The following FTCDNL1 variants were observed in gnomAD, a reference collection of about 807,000 sequenced individuals.
The protein encoded by FTCDNL1 is formiminotransferase N-terminal subdomain-containing protein.
Under a neutral mutation model 5.9 loss-of-function variants are expected in FTCDNL1, and 11 were observed. The observed-to-expected ratio is 1.87, with a 90% CI of 1.18 to 3.10. The LOEUF (loss-of-function observed/expected upper bound fraction) is 3.10. FTCDNL1 is among the 30% of genes most tolerant of loss of function. FTCDNL1 has a pLI of 0.00. For synonymous variants in FTCDNL1, 58 were observed against 24.8 expected (o/e 2.34, Z -3.99); for missense variants, 115 against 65.5 (o/e 1.76, Z -2.61).
the FTCDNL1 span, among the ~76,000 whole-genome samples, chr2:199,701,653 A>G: frequency 6.6e-6 from 1 of 152,150 alleles, no homozygotes; most frequent in Non-Finnish European, 1.5e-5. Context: ...CACATCCTTC[A>G]CAGCAACATG....
At chr2:199,837,491 T>C (rs565401850) in intron 3 of FTCDNL1, among the ~76,000 whole-genome samples, 12 of 152,330 alleles carry the variant, frequency 7.9e-5, no homozygotes, top group South Asian at 2.1e-4. Context: ...ACAATCTCCA[T>C]AGCAACTGGA....
At chr2:199,676,421 T>C in the FTCDNL1 span, among the ~76,000 whole-genome samples, 1 of 152,086 alleles carries the variant, frequency 6.6e-6, no homozygotes. Flanking sequence ...ATATATATTA[T>C]ATATAATCAA....
chr2:199,844,607 G>T, intron 3 of FTCDNL1: 3 of 431,392 alleles, frequency 7.0e-6, no homozygotes, highest in Non-Finnish European at 1.2e-5. Flanking sequence ...GATTTTGTTG[G>T]TCCCCTAGTT....
At chr2:199,820,108 T>C (rs1701592096) in intron 3 of FTCDNL1, among the ~76,000 whole-genome samples, 1 of 152,242 alleles carries the variant, frequency 6.6e-6, no homozygotes. Flanking sequence ...ATGAAATTGG[T>C]GCCTTCAATT....
chr2:199,715,089 A>G, the FTCDNL1 span, among the ~76,000 whole-genome samples: 9,828 of 152,102 alleles, frequency 0.065, 763 homozygotes, highest in African/African-American at 0.18. Flanking sequence ...AACTTAAAGT[A>G]TAATAAAAAA....
At chr2:199,841,318 C>T (rs748004633) in intron 3 of FTCDNL1, among the ~76,000 whole-genome samples, 4 of 151,140 alleles carry the variant, frequency 2.6e-5, no homozygotes, top group South Asian at 2.1e-4. Context: ...ACACAGGAGG[C>T]GGGGTTTGCA....
chr2:199,738,308 T>C, the FTCDNL1 span, among the ~76,000 whole-genome samples: 1 of 152,216 alleles, frequency 6.6e-6, no homozygotes, highest in Non-Finnish European at 1.5e-5. Context: ...GTTTGATTTT[T>C]ACTGTGTGAT....
intron 3 of FTCDNL1, among the ~76,000 whole-genome samples, chr2:199,837,613 G>A (rs962691067): frequency 5.3e-5 from 8 of 152,108 alleles, no homozygotes; most frequent in Non-Finnish European, 7.4e-5. Context: ...TACCATGGGA[G>A]TGTTGACGCT....
chr2:199,717,383 T>A, the FTCDNL1 span, among the ~76,000 whole-genome samples: 1 of 152,144 alleles, frequency 6.6e-6, no homozygotes, highest in African/African-American at 2.4e-5. Flanking sequence ...ATCCTTATTC[T>A]GTACCTTTGC....
intron 3 of FTCDNL1, among the ~76,000 whole-genome samples, chr2:199,827,660 A>G (rs1702117980): frequency 6.6e-6 from 1 of 151,998 alleles, no homozygotes; most frequent in Admixed American, 6.5e-5. Flanking sequence ...GAAAAATAAC[A>G]GAAAGAAAAG....
At chr2:199,764,449 C>T (rs1380536960) in intron 3 of FTCDNL1, among the ~76,000 whole-genome samples, 5 of 152,188 alleles carry the variant, frequency 3.3e-5, no homozygotes, top group African/African-American at 1.2e-4. Flanking sequence ...CATGCTGCCA[C>T]TTAGACTATC....
intron 3 of FTCDNL1, among the ~76,000 whole-genome samples, chr2:199,764,900 G>A (rs187443502): frequency 4.6e-5 from 7 of 152,136 alleles, no homozygotes; most frequent in Non-Finnish European, 7.4e-5. Context: ...TCAGACCTTC[G>A]CACACAGCCA....
At chr2:199,716,810 T>C in the FTCDNL1 span, among the ~76,000 whole-genome samples, 16 of 152,190 alleles carry the variant, frequency 1.1e-4, no homozygotes, top group African/African-American at 3.9e-4. Flanking sequence ...GTTTCCTGGA[T>C]AATTCCTGGA....
chr2:199,839,161 TA>T (rs575967741), intron 3 of FTCDNL1, among the ~76,000 whole-genome samples: 5,621 of 146,826 alleles, frequency 0.038, 125 homozygotes, highest in African/African-American at 0.066. Context: ...GGAAAGCCTT[TA>T]AAAAAAAAAA....
chr2:199,845,160 G>C (rs2076697887), intron 3 of FTCDNL1, among the ~76,000 whole-genome samples: 1 of 151,982 alleles, frequency 6.6e-6, no homozygotes, highest in Non-Finnish European at 1.5e-5. Context: ...GCATATTATA[G>C]ACACCTAAGA....
At chr2:199,731,140 C>T in the FTCDNL1 span, among the ~76,000 whole-genome samples, 2 of 152,056 alleles carry the variant, frequency 1.3e-5, no homozygotes, top group Non-Finnish European at 2.9e-5. Flanking sequence ...GGGAGTTGAA[C>T]AATGAGATCA....
At chr2:199,710,071 CAA>C in the FTCDNL1 span, among the ~76,000 whole-genome samples, 1 of 152,044 alleles carries the variant, frequency 6.6e-6, no homozygotes, top group Non-Finnish European at 1.5e-5. Context: ...TACAGAGTGG[CAA>C]AAAAATTGAG....
chr2:199,835,504 C>A (rs1323439576), intron 3 of FTCDNL1, among the ~76,000 whole-genome samples: 2 of 152,012 alleles, frequency 1.3e-5, no homozygotes, highest in Non-Finnish European at 2.9e-5. Context: ...TCTTACTCTA[C>A]CAATAGAGAA....
At chr2:199,749,427 C>T in the FTCDNL1 span, among the ~76,000 whole-genome samples, 2 of 152,210 alleles carry the variant, frequency 1.3e-5, no homozygotes, top group South Asian at 4.2e-4. Context: ...ACCACTAACC[C>T]ACCAGCCAAT....
Sources: allele counts gnomAD v4.1 joint callset (sites outside exome capture counted in the v4.1 genomes callset), GRCh38; gene constraint gnomAD v4.1.1; transcripts MANE v1.5; gene names NCBI Gene and HGNC (gene_info 2026-07-23, HGNC 2026-07-21).